MCM9: variants seen among roughly 807,000 people sequenced by gnomAD.
MCM9 encodes DNA helicase MCM9.
MCM9 carries 55 observed loss-of-function variants against 72.8 expected under a neutral mutation model. The ratio of observed to expected loss-of-function variants is 0.76; its 90% CI spans 0.61 to 0.95. The LOEUF (loss-of-function observed/expected upper bound fraction) is 0.95. Ranked by LOEUF, MCM9 falls within the 40% of genes least tolerant of loss-of-function variation. The probability of loss-of-function intolerance (pLI) is 0.00; values close to 1 mark genes in which losing one functional copy is unlikely to be tolerated. For missense variants in MCM9, 1,279 were observed against 1,377.0 expected (o/e 0.93, Z 1.13); for synonymous variants, 480 against 503.4 (o/e 0.95, Z 0.62).
intron 8 of MCM9, among the ~76,000 whole-genome samples, chr6:118,909,560 A>T (rs1247115621): frequency 6.6e-6 from 1 of 152,190 alleles, no homozygotes; most frequent in African/African-American, 2.4e-5. Flanking sequence ...TTTTGCTCAT[A>T]GTAAATAGCT....
intron 8 of MCM9, among the ~76,000 whole-genome samples, chr6:118,896,521 C>G (rs867787128): frequency 6.6e-6 from 1 of 152,182 alleles, no homozygotes; most frequent in Non-Finnish European, 1.5e-5. Context: ...CCATTTTTAA[C>G]TGGGATCCAT....
At chr6:118,859,873 T>G (rs759228604) in intron 8 of MCM9, among the ~76,000 whole-genome samples, 1 of 152,188 alleles carries the variant, frequency 6.6e-6, no homozygotes, top group Non-Finnish European at 1.5e-5. Context: ...CCCCTTCCAG[T>G]CATCTGGTAC....
At chr6:118,871,092 AT>A (rs1777568593) in intron 8 of MCM9, among the ~76,000 whole-genome samples, 1 of 152,188 alleles carries the variant, frequency 6.6e-6, no homozygotes, top group African/African-American at 2.4e-5. Context: ...TTCCGAACTC[AT>A]CTTTTGAGGC....
chr6:118,902,834 A>G (rs3798599), intron 8 of MCM9, among the ~76,000 whole-genome samples: 11,627 of 152,204 alleles, frequency 0.076, 681 homozygotes, highest in East Asian at 0.19. Flanking sequence ...TTTGTTTTGT[A>G]TTTTAAAACT....
intron 8 of MCM9, among the ~76,000 whole-genome samples, chr6:118,864,225 C>T (rs1403229679): frequency 2.0e-5 from 3 of 152,014 alleles, no homozygotes; most frequent in Admixed American, 6.6e-5. Flanking sequence ...CACCATTCCC[C>T]GAGTCCCCAA....
In MCM9 at chr6:118,856,565, A is replaced by G. The variant is rs975582116; in HGVS notation, c.1151-20T>C. 100 of 1,534,404 alleles carry G rather than the reference A, an allele frequency of 6.5e-5. 1 individual carries two copies. Among genetic ancestry groups the G allele is most frequent in the Non-Finnish European group, 8.1e-5 (93 of 1,146,446 alleles). On this transcript the variant is annotated intron_variant, in intron 8 of 13. Coordinates refer to ENST00000619706, the MANE Select transcript of MCM9 (RefSeq NM_017696.3). ...TCAGACCTGAGGAAACAAGCAAGCC[A>G]TATCAACTTTTATTTTCAAAAGCAT...
chr6:118,901,336 T>G (rs552313061), intron 8 of MCM9, among the ~76,000 whole-genome samples: 25 of 152,350 alleles, frequency 1.6e-4, no homozygotes, highest in Admixed American at 1.5e-3. Flanking sequence ...AAAACAACTT[T>G]ATTTCAGCAT....
chr6:118,819,029 T>TG (rs1169155309), intron 13 of MCM9, among the ~76,000 whole-genome samples: 1 of 152,290 alleles, frequency 6.6e-6, no homozygotes, highest in East Asian at 1.9e-4. Flanking sequence ...GGTGAGATGA[T>TG]GGGGTTTTCT....
At chr6:118,870,387 C>G (rs921867144) in intron 8 of MCM9, among the ~76,000 whole-genome samples, 5 of 150,428 alleles carry the variant, frequency 3.3e-5, no homozygotes, top group Non-Finnish European at 5.9e-5. Context: ...CAATATGCTT[C>G]TGAACAACTA....
Position 118,814,192 on chromosome 6 carries a change from G to T in MCM9, c.*632C>A, listed in dbSNP as rs1262354254. 6.6e-6 allele frequency: 1 copy of T among 152,082 alleles called. No individual in the cohort carries two copies. The highest frequency in any genetic ancestry group is 1.5e-5 in the Non-Finnish European group (1 of 68,026). 9.4% of individuals were successfully genotyped at this position (152,082 alleles called of 1,614,324 possible). ...CTCAGAAGGTCAGTACTTCAGAAAG[G>T]TACTGTTTGACCAGTGGCCAGATCT... On this transcript the variant is annotated 3_prime_UTR_variant, in exon 14 of 14. Transcript: ENST00000619706.
chr6:118,894,226 G>T (rs1306724046), intron 8 of MCM9: 1 of 1,416,800 alleles, frequency 7.1e-7, no homozygotes, highest in East Asian at 2.6e-5. Context: ...TAGTGAAATA[G>T]GAAAGCTGCA....
chr6:118,867,477 G>A (rs750367340), intron 8 of MCM9, among the ~76,000 whole-genome samples: 13 of 152,102 alleles, frequency 8.5e-5, no homozygotes, highest in East Asian at 1.9e-4. Context: ...CTAATCCAGC[G>A]CAACTTCCAG....
chr6:118,878,057 G>C (rs1778051713), intron 8 of MCM9, among the ~76,000 whole-genome samples: 1 of 152,082 alleles, frequency 6.6e-6, no homozygotes, highest in South Asian at 2.1e-4. Flanking sequence ...AGCCATTTGG[G>C]AGACTAAGAC....
chr6:118,853,721 C>T (rs985021490), intron 9 of MCM9, among the ~76,000 whole-genome samples: 1 of 152,134 alleles, frequency 6.6e-6, no homozygotes, highest in Non-Finnish European at 1.5e-5. Flanking sequence ...ATGGCTTGAG[C>T]CCAGGAGTTC....
In MCM9 at chr6:118,922,044, C is replaced by A; in HGVS notation, c.664G>T (p.Val222Phe). The A allele has an allele frequency of 6.2e-7, 1 of 1,613,106 alleles. No individual in the cohort carries two copies. The highest frequency in any genetic ancestry group is 8.5e-7 in the Non-Finnish European group (1 of 1,179,526). ...SVGSIPRSMK[V>F]ILEDDLVDSC... ...TCCACTAAGTCATCTTCCAGAATAA[C>A]CTTCATAGATCGTGGAATACTTCCA... is the stretch of plus-strand genomic sequence containing the variant. Residue 222 changes from valine to phenylalanine, a missense_variant, in exon 5 of 14, where the codon GTT (valine) becomes TTT (phenylalanine). Val to Phe is a conservative substitution (Grantham distance 50). Transcript: ENST00000619706.
chr6:118,843,177 G>A (rs901149428), intron 9 of MCM9, among the ~76,000 whole-genome samples: 8 of 152,086 alleles, frequency 5.3e-5, no homozygotes, highest in African/African-American at 1.4e-4. Flanking sequence ...TGCCCTTGTA[G>A]GTAAGGTATG....
At chr6:118,882,598 A>C (rs1052519076) in intron 8 of MCM9, among the ~76,000 whole-genome samples, 1 of 152,200 alleles carries the variant, frequency 6.6e-6, no homozygotes, top group African/African-American at 2.4e-5. Context: ...AGAACAGAGC[A>C]ATCAACAACT....
intron 9 of MCM9, among the ~76,000 whole-genome samples, chr6:118,848,643 G>A (rs1163426531): frequency 6.7e-6 from 1 of 149,634 alleles, no homozygotes; most frequent in East Asian, 1.9e-4. Flanking sequence ...TAAAAATGCA[G>A]CCAGGCGCAG....
Position 118,911,683 on chromosome 6 carries a change from C to A in MCM9, c.1117G>T (p.Val373Leu). The change falls in exon 8 of 14, where the codon GTG (valine) becomes TTG (leucine). Residue 373 changes from valine (V) to leucine (L), a missense_variant. By Grantham distance (32) the Val-to-Leu change is conservative. Transcript: ENST00000619706. ...KYAAKITPRS[V>L]LTTGIGSTSA... ...GTAGATCCAATTCCTGTGGTCAGCA[C>A]AGATCTTGGTGTAATCTTTGCTGCA... 1.2e-6 allele frequency: 2 copies of A among 1,613,546 alleles called. No individual in the cohort carries two copies. The highest frequency in any genetic ancestry group is 8.5e-7 in the Non-Finnish European group (1 of 1,179,712).
Sources: allele counts gnomAD v4.1 joint callset (sites outside exome capture counted in the v4.1 genomes callset), GRCh38; gene constraint gnomAD v4.1.1; transcripts MANE v1.5; gene names NCBI Gene and HGNC (gene_info 2026-07-23, HGNC 2026-07-21).